Variants in RBM46 observed in about 807,000 individuals in gnomAD.
RBM46 encodes RNA binding motif protein 46.
A neutral mutation model predicts 43.3 loss-of-function variants in RBM46; 12 were observed. The observed-to-expected ratio is 0.28, with a 90% confidence interval of 0.18 to 0.45. The LOEUF (loss-of-function observed/expected upper bound fraction) is 0.45, where lower values mean the gene tolerates loss of function less well. RBM46 is among the 20% of genes least tolerant of loss of function. The probability of loss-of-function intolerance (pLI) is 1.00; values close to 1 mark genes in which losing one functional copy is unlikely to be tolerated. For synonymous variants in RBM46, 205 were observed against 207.6 expected (o/e 0.99, Z 0.11); for missense variants, 412 against 639.1 (o/e 0.64, Z 3.83).
At chr4:154,815,956 T>C (rs1255442273) in intron 4 of RBM46, among the ~76,000 whole-genome samples, 1 of 152,048 alleles carries the variant, frequency 6.6e-6, no homozygotes, top group Non-Finnish European at 1.5e-5. Flanking sequence ...GAATATTCAC[T>C]TAACCAACAC....
intron 1 of RBM46, among the ~76,000 whole-genome samples, chr4:154,782,637 C>T (rs374583311): frequency 1.3e-4 from 20 of 152,258 alleles, no homozygotes; most frequent in Middle Eastern, 3.4e-3. Context: ...AGGCGCGCGC[C>T]ACCACGCACA....
At chr4:154,817,547 G>T (rs1012100409) in intron 4 of RBM46, among the ~76,000 whole-genome samples, 1 of 151,940 alleles carries the variant, frequency 6.6e-6, no homozygotes, top group Non-Finnish European at 1.5e-5. Context: ...GGCCAGGCTG[G>T]TCTCAAACTC....
At position 154,799,205 on chromosome 4, in the gene RBM46, C is replaced by G; in HGVS notation, c.1043C>G (p.Pro348Arg). 6.2e-7 allele frequency: 1 copy of G among 1,614,110 alleles called. No homozygotes were observed. The highest frequency in any genetic ancestry group is 8.5e-7 in the Non-Finnish European group (1 of 1,180,008). ...ESHPKTLGKL[P>R]TLPARLNGQH... Reference sequence around the variant, plus strand: ...CACCCAAAAACTCTAGGCAAGCTGCCAACTCTTCCTGCTCGTCTCAATGGT... The same window carrying G: ...CACCCAAAAACTCTAGGCAAGCTGCGAACTCTTCCTGCTCGTCTCAATGGT... Residue 348 changes from proline (P) to arginine (R), a missense_variant, in exon 4 of 5, where the codon CCA becomes CGA. Around this residue, in one of 8 missense-constraint regions of RBM46, gnomAD observed 105 missense variants for 111.0 expected, o/e 0.95. Transcript: ENST00000281722.
intron 4 of RBM46, among the ~76,000 whole-genome samples, chr4:154,803,882 G>T (rs1480168672): frequency 6.6e-6 from 1 of 152,070 alleles, no homozygotes; most frequent in Admixed American, 6.5e-5. Context: ...GTTGGGGTCT[G>T]GTGGGAGGTG....
rs1736076764 is a variant in RBM46 at position 154,828,696 on chromosome 4, GTT to G, written c.*633_*634del. ...TAAGCATTTTATAGTTATGCTTTGT[GTT>G]TTTGATATTCTTTGTATTGTTAATA... is the stretch of plus-strand genomic sequence containing the variant. On this transcript the variant is annotated 3_prime_UTR_variant, in exon 5 of 5. Transcript: ENST00000281722. 6.6e-6 allele frequency: 1 copy of G among 152,482 alleles called. No homozygotes were observed. Among genetic ancestry groups the G allele is most frequent in the Non-Finnish European group, 1.5e-5 (1 of 67,980 alleles). 9.4% of individuals were successfully genotyped at this position (152,482 alleles called of 1,614,324 possible). A position where few individuals can be genotyped will look rare whatever the true frequency, so the allele number is the denominator to read the frequency against.
At chr4:154,820,528 A>T (rs964239381) in intron 4 of RBM46, 8 of 593,198 alleles carry the variant, frequency 1.3e-5, no homozygotes, top group Admixed American at 1.1e-4. Flanking sequence ...ATGAAACTTT[A>T]TGAAGTATTT....
intron 2 of RBM46, 85 bp from the exon 3 acceptor site, chr4:154,797,726 C>A: frequency 1.1e-6 from 1 of 947,284 alleles, no homozygotes; most frequent in Non-Finnish European, 1.6e-6. Flanking sequence ...CATAGCACAG[C>A]AAATTTGTTG....
intron 1 of RBM46, among the ~76,000 whole-genome samples, chr4:154,783,990 A>G (rs942673471): frequency 2.0e-5 from 3 of 152,296 alleles, no homozygotes; most frequent in Middle Eastern, 6.8e-3. Flanking sequence ...TTAAAAACAA[A>G]CAGAAAACCT....
At position 154,828,518 on chromosome 4, in the gene RBM46, T is replaced by G; in HGVS notation, c.*451T>G. The G allele has an allele frequency of 6.5e-6, 1 of 154,224 alleles. No individual in the cohort carries two copies. Among genetic ancestry groups the G allele is most frequent in the Non-Finnish European group, 1.4e-5 (1 of 69,264 alleles). 9.6% of individuals were successfully genotyped at this position (154,224 alleles called of 1,614,324 possible). A position where few individuals can be genotyped will look rare whatever the true frequency, so the allele number is the denominator to read the frequency against. Reference sequence around the variant, plus strand: ...TTATATGACCAGAAGCATCTAACCATTATGTAAAAAGAAATGATGAGACAA... The same window carrying G: ...TTATATGACCAGAAGCATCTAACCAGTATGTAAAAAGAAATGATGAGACAA... On this transcript the variant is annotated 3_prime_UTR_variant, in exon 5 of 5. Coordinates refer to ENST00000281722, the MANE Select transcript of RBM46 (RefSeq NM_144979.5).
chr4:154,795,706 G>A (rs562023077), intron 1 of RBM46, among the ~76,000 whole-genome samples: 2 of 152,098 alleles, frequency 1.3e-5, no homozygotes, highest in East Asian at 3.9e-4. Flanking sequence ...TTTAAATTAA[G>A]CAGATATATA....
intron 4 of RBM46, chr4:154,820,219 CCTTA>C (rs1735661484): frequency 9.3e-6 from 4 of 430,908 alleles, no homozygotes; most frequent in East Asian, 3.5e-5. Flanking sequence ...ACTATTTGCC[CCTTA>C]CTTCTTTTTC....
intron 4 of RBM46, among the ~76,000 whole-genome samples, chr4:154,821,372 A>G (rs536726201): frequency 2.6e-5 from 4 of 151,746 alleles, no homozygotes; most frequent in African/African-American, 9.6e-5. Context: ...TTTTGCCCAC[A>G]TGGTTTATTT....
At chr4:154,825,033 A>T (rs1442832585) in intron 4 of RBM46, among the ~76,000 whole-genome samples, 1 of 152,130 alleles carries the variant, frequency 6.6e-6, no homozygotes, top group South Asian at 2.1e-4. Context: ...TAAATTGTAT[A>T]TCAGTGTTCC....
In RBM46 at chr4:154,828,370, G is replaced by GT. The variant is rs34773010; in HGVS notation, c.*318dup. On this transcript the variant is annotated 3_prime_UTR_variant, in exon 5 of 5. Coordinates refer to ENST00000281722, the MANE Select transcript of RBM46 (RefSeq NM_144979.5). The stretch of plus-strand genomic sequence containing the variant: ...TGGGCAATAGAACCTAGTCATTTAT[G>GT]TTTTTTTTTTTTTTTGCATAATTTT... The GT allele has an allele frequency of 0.019, 3,670 of 194,496 alleles. 15 individuals are homozygous for GT. Among genetic ancestry groups the GT allele is most frequent in the South Asian group, 0.029 (348 of 11,932 alleles). The allele number at this position is 194,496 out of a possible 1,614,324, so 12.0% of individuals were successfully genotyped here. A position where few individuals can be genotyped will look rare whatever the true frequency, so the allele number is the denominator to read the frequency against.
rs1560897118 is a variant in RBM46, at chr4:154,797,970, C to A, written c.311C>A (p.Ala104Asp). 1 of 1,612,648 alleles carries A rather than the reference C, an allele frequency of 6.2e-7. No individual in the cohort carries two copies. The highest frequency in any genetic ancestry group is 8.5e-7 in the Non-Finnish European group (1 of 1,179,656). ...MEFSGENRGY[A>D]FVMYTTKEEA... ...TTTAGTGGTGAAAATCGAGGTTATG[C>A]TTTTGTGATGTACACTACAAAAGAA... Residue 104 changes from alanine to aspartate, a missense_variant, in exon 3 of 5, where the codon GCT (alanine) becomes GAT (aspartate). Physicochemically the swap from Ala to Asp is moderately radical, Grantham distance 126. Around this residue, in one of 8 missense-constraint regions of RBM46, gnomAD observed 27 missense variants for 115.8 expected, o/e 0.23. Coordinates refer to ENST00000281722, the MANE Select transcript of RBM46 (RefSeq NM_144979.5).
intron 1 of RBM46, among the ~76,000 whole-genome samples, chr4:154,793,461 A>G (rs544644003): frequency 6.6e-6 from 1 of 152,202 alleles, no homozygotes; most frequent in African/African-American, 2.4e-5. Flanking sequence ...TCAGTAATGC[A>G]TACATGCTAG....
At position 154,815,266 on chromosome 4, in the gene RBM46, A is replaced by G. The variant is rs1306475577; in HGVS notation, c.1403-12602A>G. ...GAACTATCAGTTTGGGGCTGTTTGA[A>G]TAATGACACTCTAAAGATTCTTGAA... On this transcript the variant is annotated intron_variant, in intron 4 of 4. Coordinates refer to ENST00000281722, the MANE Select transcript of RBM46 (RefSeq NM_144979.5). Among the ~76,000 whole-genome samples, 2 of 152,016 alleles carry G rather than the reference A, an allele frequency of 1.3e-5. 1 individual carries two copies.
intron 4 of RBM46, among the ~76,000 whole-genome samples, chr4:154,821,118 TTAA>T (rs1180813950): frequency 6.6e-6 from 1 of 151,822 alleles, no homozygotes; most frequent in Non-Finnish European, 1.5e-5. Flanking sequence ...TTTTTATCAC[TTAA>T]TAATATTGCC....
At chr4:154,792,615 A>G (rs1734156287) in intron 1 of RBM46, among the ~76,000 whole-genome samples, 1 of 152,114 alleles carries the variant, frequency 6.6e-6, no homozygotes, top group South Asian at 2.1e-4. Context: ...GCTGAAATGG[A>G]TTCTGTGATA....
Sources: allele counts gnomAD v4.1 joint callset (sites outside exome capture counted in the v4.1 genomes callset), GRCh38; gene constraint gnomAD v4.1.1; regional missense constraint gnomAD v4.1.1; transcripts MANE v1.5; gene names NCBI Gene and HGNC (gene_info 2026-07-23, HGNC 2026-07-21).